ADH7: variants seen among roughly 807,000 people sequenced by gnomAD.
ADH7 encodes all-trans-retinol dehydrogenase [NAD(+)] ADH7.
Under a neutral mutation model 34.4 loss-of-function variants are expected in ADH7, and 41 were observed. The observed-to-expected ratio is 1.19, with a 90% CI of 0.93 to 1.55. The LOEUF (loss-of-function observed/expected upper bound fraction) is 1.55. Ranked by LOEUF, ADH7 falls within the 40% of genes most tolerant of loss-of-function variation. ADH7 has a pLI of 0.00. For missense variants in ADH7, 540 were observed against 461.2 expected (o/e 1.17, Z -1.56); for synonymous variants, 180 against 160.9 (o/e 1.12, Z -0.90).
intron 7 of ADH7, 136 bp downstream of exon 7, chr4:99,418,850 A>C (rs778528378): frequency 4.0e-5 from 41 of 1,034,742 alleles, no homozygotes; most frequent in Non-Finnish European, 5.7e-5. Context: ...CTTTTGTGTT[A>C]TTATGATCAC....
Position 99,420,787 on chromosome 4 carries a change from G to A in ADH7, c.571C>T (p.Pro191Ser), listed in dbSNP as rs748837724. 1 of 1,613,788 alleles carries A rather than the reference G, an allele frequency of 6.2e-7. No individual in the cohort carries two copies. The highest frequency in any genetic ancestry group is 8.5e-7 in the Non-Finnish European group (1 of 1,179,844). The part of the protein sequence containing the change: ...GAAVKTGKVK[P>S]GSTCVVFGLG... ...CCAAAGACGACGCAAGTGGAACCAGGTTTGACCTGTGGAGAGGAATGTTCT... is the reference window on the plus strand; with the variant it reads ...CCAAAGACGACGCAAGTGGAACCAGATTTGACCTGTGGAGAGGAATGTTCT... Residue 191 changes from proline (P) to serine (S), a missense_variant, in exon 6 of 9, where the codon CCT (proline) becomes TCT (serine). Pro to Ser is a moderately conservative substitution (Grantham distance 74, BLOSUM62 -1). Coordinates refer to ENST00000437033, the MANE Select transcript of ADH7 (RefSeq NM_000673.7).
At chr4:99,418,656 C>T (rs766451744) in intron 7 of ADH7, among the ~76,000 whole-genome samples, 5 of 152,084 alleles carry the variant, frequency 3.3e-5, no homozygotes, top group Non-Finnish European at 7.4e-5. Flanking sequence ...CACTTTAATA[C>T]ACATTCTTGT....
At chr4:99,429,496 C>G in intron 2 of ADH7, 36 bp downstream of exon 2, 1 of 1,493,470 alleles carries the variant, frequency 6.7e-7, no homozygotes, top group Non-Finnish European at 9.3e-7. Context: ...AGTTTGATAA[C>G]GCTTTTGGCT....
In ADH7 at chr4:99,412,986, G is replaced by A. The variant is rs1350629650; in HGVS notation, c.*162C>T. 5.1e-6 allele frequency: 3 copies of A among 593,360 alleles called. No homozygotes were observed. In the African/African-American group the frequency reaches 5.8e-5, roughly 12 times the overall value. The allele number at this position is 593,360 out of a possible 1,614,324, so 36.8% of individuals were successfully genotyped here. The stretch of plus-strand genomic sequence containing the variant: ...CCCAGGTGCTCACAAGACTTTAAAT[G>A]TTTATAAAGGTTAATAATTCTTTAT... On this transcript the variant is annotated 3_prime_UTR_variant, in exon 9 of 9. Transcript: ENST00000437033.
intron 5 of ADH7, 66 bp from the exon 6 acceptor site, chr4:99,420,859 C>T (rs1469487989): frequency 1.3e-6 from 2 of 1,501,826 alleles, no homozygotes; most frequent in East Asian, 2.3e-5. Context: ...TGAAAAGGGC[C>T]TCCAGTTAAA....
Position 99,419,120 on chromosome 4 carries a change from A to T in ADH7, c.827T>A (p.Ile276Asn), listed in dbSNP as rs758813649. 6.2e-7 allele frequency: 1 copy of T among 1,613,390 alleles called. No homozygotes were observed. The highest frequency in any genetic ancestry group is 8.5e-7 in the Non-Finnish European group (1 of 1,179,630). Residue 276 changes from isoleucine to asparagine, a missense_variant and splice_region_variant, in exon 7 of 9, where the codon ATT becomes AAT. Coordinates refer to ENST00000437033, the MANE Select transcript of ADH7 (RefSeq NM_000673.7). ...FEVIGHLETM[I>N]DALASCHMNY... Reference sequence around the variant, plus strand: ...CATGTGGCAGGATGCCAGGGCATCAATCTGAGTTTAAAACGGAGGAGATCG... The same window carrying T: ...CATGTGGCAGGATGCCAGGGCATCATTCTGAGTTTAAAACGGAGGAGATCG...
chr4:99,423,740 G>C (rs1269034856), intron 5 of ADH7, among the ~76,000 whole-genome samples: 1 of 151,946 alleles, frequency 6.6e-6, no homozygotes, highest in Non-Finnish European at 1.5e-5. Context: ...TTTTTTTCTT[G>C]TAAATTTGTT....
intron 8 of ADH7, among the ~76,000 whole-genome samples, chr4:99,413,574 T>G (rs1721455804): frequency 6.6e-6 from 1 of 152,172 alleles, no homozygotes; most frequent in South Asian, 2.1e-4. Flanking sequence ...ATAGAATGAA[T>G]GCCAAATTCT....
At chr4:99,416,628 G>T (rs1178522992) in intron 7 of ADH7, among the ~76,000 whole-genome samples, 3 of 151,988 alleles carry the variant, frequency 2.0e-5, no homozygotes. Flanking sequence ...CTTGGTCCTT[G>T]GTCCATTTCT....
chr4:99,413,233 T>C, intron 8 of ADH7, 61 bp from the exon 9 acceptor site: 2 of 1,566,792 alleles, frequency 1.3e-6, no homozygotes, highest in African/African-American at 1.4e-5. Context: ...AAAGGATAGT[T>C]TAAACAATTG....
chr4:99,430,250 A>T (rs1721910865), intron 1 of ADH7: 1 of 152,266 alleles, frequency 6.6e-6, no homozygotes, highest in South Asian at 2.1e-4. Context: ...CACCTAGCCC[A>T]GTTCTTGCAC....
chr4:99,427,779 A>T lies in ADH7; in HGVS notation c.558T>A (p.Thr186=), dbSNP rs370255803. Reference sequence around the variant, plus strand: ...AGCCTACCCTGTTTCTTACCTTGCCAGTTTTAACAGCAGCGCCATATCCAG... The same window carrying T: ...AGCCTACCCTGTTTCTTACCTTGCCTGTTTTAACAGCAGCGCCATATCCAG... ...FSTGYGAAVK[T]GKVKPGSTCV... Residue 186 remains threonine, a synonymous_variant, in exon 5 of 9, where the codon ACT becomes ACA. Coordinates refer to ENST00000437033, the MANE Select transcript of ADH7 (RefSeq NM_000673.7). The T allele has an allele frequency of 3.9e-6, 6 of 1,534,438 alleles. No individual in the cohort carries two copies. The highest frequency in any genetic ancestry group is 1.7e-4 in the Middle Eastern group (1 of 5,716).
rs563098230 is a variant in ADH7 at position 99,423,595 on chromosome 4, T to C, written c.565-2802A>G. Reference sequence around the variant, plus strand: ...CTAACTGGTGTGAGATGGTATCTCATTGTGGTTTTGATTTGCATTTCTCTG... The same window carrying C: ...CTAACTGGTGTGAGATGGTATCTCACTGTGGTTTTGATTTGCATTTCTCTG... On this transcript the variant is annotated intron_variant, in intron 5 of 8. Transcript: ENST00000437033. 2.3e-3 allele frequency among the ~76,000 whole-genome samples: 356 copies of C among 152,260 alleles called. 2 individuals are homozygous for C. The highest frequency in any genetic ancestry group is 7.6e-3 in the African/African-American group (317 of 41,538).
chr4:99,419,451 T>G (rs1005280843), intron 6 of ADH7, among the ~76,000 whole-genome samples: 10 of 152,116 alleles, frequency 6.6e-5, no homozygotes, highest in African/African-American at 2.4e-4. Context: ...TGAACCAAAC[T>G]AAATTGAATT....
At chr4:99,422,896 C>G (rs1301485350) in intron 5 of ADH7, among the ~76,000 whole-genome samples, 1 of 140,454 alleles carries the variant, frequency 7.1e-6, no homozygotes, top group Non-Finnish European at 1.5e-5. Flanking sequence ...TATTATTATA[C>G]TTTAAGTTTT....
Position 99,415,499 on chromosome 4 carries a change from T to C in ADH7, c.1079A>G (p.Glu360Gly), listed in dbSNP as rs1721495822. ...LPFKKISEGF[E>G]LLNSGQSIRT... ...TTACCTTTGTCCTGAATTGAGCAGC[T>C]CAAATCCTTCACTGATTTTTTTAAA... The change falls in exon 8 of 9, where the codon GAG (glutamate) becomes GGG (glycine). Residue 360 changes from glutamate (E) to glycine (G), a missense_variant. Coordinates refer to ENST00000437033, the MANE Select transcript of ADH7 (RefSeq NM_000673.7). The C allele has an allele frequency of 6.2e-7, 1 of 1,613,148 alleles. No homozygotes were observed. The highest frequency in any genetic ancestry group is 1.3e-5 in the African/African-American group (1 of 74,894).
chr4:99,420,965 A>G (rs1179526288), intron 5 of ADH7, among the ~76,000 whole-genome samples, 172 bp from the exon 6 acceptor site: 1 of 152,238 alleles, frequency 6.6e-6, no homozygotes, highest in African/African-American at 2.4e-5. Context: ...GACCTCTTCA[A>G]GGAGAATTAC....
Position 99,427,114 on chromosome 4 carries a change from G to A in ADH7, c.564+659C>T, listed in dbSNP as rs1297179348. 2.6e-5 allele frequency among the ~76,000 whole-genome samples: 4 copies of A among 152,144 alleles called. No homozygotes were observed. The South Asian group carries it at 8.3e-4, about 31-fold the overall frequency. On this transcript the variant is annotated intron_variant, in intron 5 of 8. Transcript: ENST00000437033. ...ATTCCTTGAACTCCAATTTACTTGT[G>A]AAATTTCATGTGATTAACTTAAAAT...
chr4:99,435,186 A>T (rs1225304537), intron 1 of ADH7, 30 bp downstream of exon 1: 1 of 1,610,082 alleles, frequency 6.2e-7, no homozygotes, highest in South Asian at 1.1e-5. Context: ...TTAGGTCATG[A>T]TGAGGAGGGG....
Sources: gnomAD v4.1 joint callset for allele counts (sites outside exome capture counted in the v4.1 genomes callset) on GRCh38, gnomAD v4.1.1 for gene constraint, MANE v1.5 for transcripts, NCBI Gene and HGNC (gene_info 2026-07-23, HGNC 2026-07-21) for gene names.